Variants in SLC10A5 observed in about 807,000 individuals in gnomAD.
SLC10A5 encodes solute carrier family 10 member 5, also known as sodium/bile acid cotransporter 5.
For missense variants in SLC10A5, 475 were observed against 500.7 expected (o/e 0.95, Z 0.49); for synonymous variants, 181 against 183.7 (o/e 0.99, Z 0.12).
rs1484361886 is a variant in SLC10A5 at position 81,694,187 on chromosome 8, C to A, written c.786G>T (p.Gly262=). The part of the protein sequence containing the change: ...VNSYIYSRIL[G]LSGTFHIPVS... Reference sequence around the variant, plus strand: ...CAGGAATATGGAATGTACCTGACAACCCTAATATCCTACTGTATATATAAG... The same window carrying A: ...CAGGAATATGGAATGTACCTGACAAACCTAATATCCTACTGTATATATAAG... Residue 262 remains glycine (G), a synonymous_variant, in exon 1 of 1, where the codon GGG becomes GGT. Transcript: ENST00000518568. The A allele has an allele frequency of 9.3e-6, 15 of 1,613,954 alleles. No homozygotes were observed. The highest frequency in any genetic ancestry group is 4.2e-6 in the Non-Finnish European group (5 of 1,180,018).
At position 81,694,933 on chromosome 8, in the gene SLC10A5, C is replaced by A. The variant is rs747119566; in HGVS notation, c.40G>T (p.Val14Leu). The A allele has an allele frequency of 6.3e-7, 1 of 1,583,566 alleles. No individual in the cohort carries two copies. Among genetic ancestry groups the A allele is most frequent in the Non-Finnish European group, 8.5e-7 (1 of 1,171,542 alleles). ...KLFIVLLLLL[V>L]TIEEARMSSL... The stretch of plus-strand genomic sequence containing the variant: ...GACATCCTTGCTTCTTCTATAGTCA[C>A]AAGCAACAAAAGTAGAACAATAAAA... The change falls in exon 1 of 1, where the codon GTG becomes TTG. Residue 14 changes from valine (V) to leucine (L), a missense_variant. Val to Leu is a conservative substitution (Grantham distance 32, BLOSUM62 1). Transcript: ENST00000518568.
rs1378184478 is a variant in SLC10A5 at position 81,694,162 on chromosome 8, C to T, written c.811G>A (p.Val271Ile). The T allele has an allele frequency of 2.5e-6, 4 of 1,614,020 alleles. No individual in the cohort carries two copies. Among genetic ancestry groups the T allele is most frequent in the African/African-American group, 1.3e-5 (1 of 74,998 alleles). ...LGLSGTFHIP[V>I]SKIVSTLLFI... is the part of the protein sequence containing the mutation. ...AGGAGTGTTGACACAATTTTAGAAA[C>T]AGGAATATGGAATGTACCTGACAAC... The change falls in exon 1 of 1, where the codon GTT becomes ATT. Residue 271 changes from valine to isoleucine, a missense_variant. Coordinates refer to ENST00000518568, the MANE Select transcript of SLC10A5 (RefSeq NM_001010893.3).
rs1807691995 is a variant in SLC10A5, at chr8:81,694,310, GC to G, written c.662del (p.Gly221AlafsTer8). 6.2e-7 allele frequency: 1 copy of G among 1,614,030 alleles called. No individual in the cohort carries two copies. The highest frequency in any genetic ancestry group is 1.3e-5 in the African/African-American group (1 of 75,002). ...MTCTCPGGGGGYLFALLLDGD... is the reference protein window; with the variant it reads ...MTCTCPGGGGXYLFALLLDGD... ...CATCTAGAAGCAGAGCAAAGAGATA[GC>G]CCCCACCCCCTCCTGGGCACGTGCA... On this transcript the variant is annotated frameshift_variant, in exon 1 of 1. Coordinates refer to ENST00000518568, the MANE Select transcript of SLC10A5 (RefSeq NM_001010893.3). LOFTEE classifies it low-confidence loss of function (END_TRUNC).
Position 81,694,270 on chromosome 8 carries a change from C to A in SLC10A5, c.703G>T (p.Ala235Ser). 6.2e-7 allele frequency: 1 copy of A among 1,614,084 alleles called. No individual in the cohort carries two copies. Among genetic ancestry groups the A allele is most frequent in the Non-Finnish European group, 8.5e-7 (1 of 1,180,028 alleles). Residue 235 changes from alanine to serine, a missense_variant, in exon 1 of 1, where the codon GCC becomes TCC. Transcript: ENST00000518568. ...GTTGATGTGCAAGTCATCAAAATGG[C>A]CAATGTGAAATCTCCATCTAGAAGC... is the stretch of plus-strand genomic sequence containing the variant. The part of the protein sequence containing the change: ...ALLLDGDFTL[A>S]ILMTCTSTLL...
chr8:81,693,702 C>T lies in SLC10A5; in HGVS notation c.1271G>A (p.Cys424Tyr), dbSNP rs376116035. The T allele has an allele frequency of 1.9e-4, 297 of 1,594,918 alleles. No homozygotes were observed. Among genetic ancestry groups the T allele is most frequent in the Non-Finnish European group, 2.4e-4 (283 of 1,174,772 alleles). The change falls in exon 1 of 1, where the codon TGT becomes TAT. Residue 424 changes from cysteine (C) to tyrosine (Y), a missense_variant. Transcript: ENST00000518568. ...IILVYKAKKR[C>Y]IFFLQDKRKR... Reference sequence around the variant, plus strand: ...CCTTTTATCTTGTAAGAAAAAGATACATCTTTTCTTAGCCTTGTAAACTAG... The same window carrying T: ...CCTTTTATCTTGTAAGAAAAAGATATATCTTTTCTTAGCCTTGTAAACTAG...
At position 81,694,962 on chromosome 8, in the gene SLC10A5, T is replaced by G. The variant is rs772887499; in HGVS notation, c.11A>C (p.Lys4Thr). 1.3e-6 allele frequency: 2 copies of G among 1,548,916 alleles called. No homozygotes were observed. Among genetic ancestry groups the G allele is most frequent in the African/African-American group, 1.4e-5 (1 of 72,020 alleles). Reference protein sequence around the residue: MIRKLFIVLLLLLV... With the variant: MIRTLFIVLLLLLV... Reference sequence around the variant, plus strand: ...CAACAAAAGTAGAACAATAAAAAGTTTTCTAATCATTTTGAAAGCTGAAAT... The same window carrying G: ...CAACAAAAGTAGAACAATAAAAAGTGTTCTAATCATTTTGAAAGCTGAAAT... Residue 4 changes from lysine to threonine, a missense_variant, in exon 1 of 1, where the codon AAA becomes ACA. Transcript: ENST00000518568.
chr8:81,694,904 C>T lies in SLC10A5; in HGVS notation c.69G>A (p.Ser23=), dbSNP rs761549084. 12 of 1,604,462 alleles carry T rather than the reference C, an allele frequency of 7.5e-6. No homozygotes were observed. The highest frequency in any genetic ancestry group is 3.7e-4 in the Middle Eastern group (2 of 5,380). Residue 23 remains serine, a synonymous_variant, in exon 1 of 1, where the codon TCG becomes TCA. Coordinates refer to ENST00000518568, the MANE Select transcript of SLC10A5 (RefSeq NM_001010893.3). ...LVTIEEARMS[S]LSFLNIEKTE... is the part of the protein sequence containing the mutation. The stretch of plus-strand genomic sequence containing the variant: ...TCTTCTCTATATTCAGAAAACTGAG[C>T]GATGACATCCTTGCTTCTTCTATAG...
At position 81,694,255 on chromosome 8, in the gene SLC10A5, A is replaced by C. The variant is rs776156701; in HGVS notation, c.718T>G (p.Cys240Gly). Residue 240 changes from cysteine to glycine, a missense_variant, in exon 1 of 1, where the codon TGC becomes GGC. Physicochemically the swap from Cys to Gly is radical, Grantham distance 159. Coordinates refer to ENST00000518568, the MANE Select transcript of SLC10A5 (RefSeq NM_001010893.3). ...ATCAGAGCCAATAATGTTGATGTGC[A>C]AGTCATCAAAATGGCCAATGTGAAA... ...GDFTLAILMT[C>G]TSTLLALIMM... The C allele has an allele frequency of 1.7e-5, 27 of 1,614,156 alleles. No homozygotes were observed. The highest frequency in any genetic ancestry group is 5.0e-5 in the Admixed American group (3 of 60,022).
Position 81,693,917 on chromosome 8 carries a change from G to A in SLC10A5, c.1056C>T (p.Tyr352=). Residue 352 remains tyrosine (Y), a synonymous_variant, in exon 1 of 1, where the codon TAC becomes TAT. Coordinates refer to ENST00000518568, the MANE Select transcript of SLC10A5 (RefSeq NM_001010893.3). ...GCAGCGTACAAACTTTAGCAAAGGAGTACCCAAACAGCAAACCCAAAGCAG... is the reference window on the plus strand; with the variant it reads ...GCAGCGTACAAACTTTAGCAAAGGAATACCCAAACAGCAAACCCAAAGCAG... ...LVPALGLLFG[Y]SFAKVCTLPL... The A allele has an allele frequency of 6.2e-7, 1 of 1,614,070 alleles. No homozygotes were observed. Among genetic ancestry groups the A allele is most frequent in the Non-Finnish European group, 8.5e-7 (1 of 1,180,024 alleles).
At position 81,694,515 on chromosome 8, in the gene SLC10A5, A is replaced by T. The variant is rs750489195; in HGVS notation, c.458T>A (p.Leu153Ter). ...ILMLILPLIL[L>*]NKCAFGCKIE... is the part of the protein sequence containing the mutation. Reference sequence around the variant, plus strand: ...CTTACAACCAAATGCACACTTATTCAATAGTATTAGTGGTAAAATAAGCAT... The same window carrying T: ...CTTACAACCAAATGCACACTTATTCTATAGTATTAGTGGTAAAATAAGCAT... The change falls in exon 1 of 1, where the codon TTG becomes TAG. Residue 153 changes from leucine (L) to a stop codon, truncating the protein, a stop_gained. Transcript: ENST00000518568. LOFTEE classifies it low-confidence loss of function (END_TRUNC). The T allele has an allele frequency of 1.9e-6, 3 of 1,614,172 alleles. No individual in the cohort carries two copies. In the South Asian group the frequency reaches 3.3e-5, roughly 18 times the overall value.
rs768831338 is a variant in SLC10A5, at chr8:81,693,873, GTT to G, written c.1098_1099del (p.Lys366AsnfsTer5). The G allele has an allele frequency of 6.2e-7, 1 of 1,613,828 alleles. No homozygotes were observed. The highest frequency in any genetic ancestry group is 1.1e-5 in the South Asian group (1 of 90,946). ...TAACATCCCACTTTCAATAGCAACA[GTT>G]TTACAAACAGGAAGAGGCAGCGTAC... On this transcript the variant is annotated frameshift_variant, in exon 1 of 1. Coordinates refer to ENST00000518568, the MANE Select transcript of SLC10A5 (RefSeq NM_001010893.3). LOFTEE classifies it low-confidence loss of function (END_TRUNC).
chr8:81,694,070 G>C lies in SLC10A5; in HGVS notation c.903C>G (p.Phe301Leu), dbSNP rs150881524. 6.1e-5 allele frequency: 99 copies of C among 1,614,026 alleles called. No individual in the cohort carries two copies. The African/African-American group carries it at 1.1e-3, about 17-fold the overall frequency. Reference sequence around the variant, plus strand: ...TCAGAGGTCTAATTATTCTCTCTAAGAAGCTTGCTTTTTCAGGTATTCTAT... The same window carrying C: ...TCAGAGGTCTAATTATTCTCTCTAACAAGCTTGCTTTTTCAGGTATTCTAT... ...IKHRIPEKAS[F>L]LERIIRPLSF... The change falls in exon 1 of 1, where the codon TTC (phenylalanine) becomes TTG (leucine). Residue 301 changes from phenylalanine to leucine, a missense_variant. Physicochemically the swap from Phe to Leu is conservative, Grantham distance 22. Transcript: ENST00000518568.
rs1447173178 is a variant in SLC10A5, at chr8:81,694,957, A to G, written c.16T>C (p.Phe6Leu). MIRKL[F>L]IVLLLLLVTI... The stretch of plus-strand genomic sequence containing the variant: ...ACAAGCAACAAAAGTAGAACAATAA[A>G]AAGTTTTCTAATCATTTTGAAAGCT... Residue 6 changes from phenylalanine to leucine, a missense_variant, in exon 1 of 1, where the codon TTT becomes CTT. Coordinates refer to ENST00000518568, the MANE Select transcript of SLC10A5 (RefSeq NM_001010893.3). The G allele has an allele frequency of 1.9e-6, 3 of 1,553,938 alleles. No individual in the cohort carries two copies. The highest frequency in any genetic ancestry group is 2.2e-5 in the Admixed American group (1 of 44,916).
Position 81,694,883 on chromosome 8 carries a change from C to T in SLC10A5, c.90G>A (p.Glu30=). Reference sequence around the variant, plus strand: ...TTGTGAAAAATAGTATTTCAGTCTTCTCTATATTCAGAAAACTGAGCGATG... The same window carrying T: ...TTGTGAAAAATAGTATTTCAGTCTTTTCTATATTCAGAAAACTGAGCGATG... ...RMSSLSFLNI[E]KTEILFFTKT... The change falls in exon 1 of 1, where the codon GAG becomes GAA. Residue 30 remains glutamate, a synonymous_variant. Coordinates refer to ENST00000518568, the MANE Select transcript of SLC10A5 (RefSeq NM_001010893.3). The T allele has an allele frequency of 6.2e-7, 1 of 1,611,860 alleles. No homozygotes were observed. The highest frequency in any genetic ancestry group is 1.3e-5 in the African/African-American group (1 of 74,920).
chr8:81,693,698 G>T lies in SLC10A5; in HGVS notation c.1275C>A (p.Ile425=), dbSNP rs746635854. Residue 425 remains isoleucine, a synonymous_variant, in exon 1 of 1, where the codon ATC becomes ATA. Transcript: ENST00000518568. ...ILVYKAKKRC[I]FFLQDKRKRN... ...TTTTCCTTTTATCTTGTAAGAAAAAGATACATCTTTTCTTAGCCTTGTAAA... is the reference window on the plus strand; with the variant it reads ...TTTTCCTTTTATCTTGTAAGAAAAATATACATCTTTTCTTAGCCTTGTAAA... 8.8e-6 allele frequency: 14 copies of T among 1,593,766 alleles called. No individual in the cohort carries two copies. The highest frequency in any genetic ancestry group is 2.3e-5 in the South Asian group (2 of 86,842).
Position 81,694,741 on chromosome 8 carries a change from T to G in SLC10A5, c.232A>C (p.Lys78Gln), listed in dbSNP as rs1434294326. ...KILQMVNVAK[K>Q]ISSDATNFTI... ...AAGTTTGTAGCATCTGATGAGATCT[T>G]CTTGGCCACATTCACCATTTGTAGT... is the stretch of plus-strand genomic sequence containing the variant. The change falls in exon 1 of 1, where the codon AAG (lysine) becomes CAG (glutamine). Residue 78 changes from lysine (K) to glutamine (Q), a missense_variant. Coordinates refer to ENST00000518568, the MANE Select transcript of SLC10A5 (RefSeq NM_001010893.3). 1 of 1,614,124 alleles carries G rather than the reference T, an allele frequency of 6.2e-7. No homozygotes were observed. The highest frequency in any genetic ancestry group is 1.3e-5 in the African/African-American group (1 of 75,058).
In SLC10A5 at chr8:81,694,089, A is replaced by T. The variant is rs201935997; in HGVS notation, c.884T>A (p.Ile295Lys). Residue 295 changes from isoleucine (I) to lysine (K), a missense_variant, in exon 1 of 1, where the codon ATA (isoleucine) becomes AAA (lysine). Physicochemically the swap from Ile to Lys is moderately radical, Grantham distance 102. Coordinates refer to ENST00000518568, the MANE Select transcript of SLC10A5 (RefSeq NM_001010893.3). ...CTCTAAGAAGCTTGCTTTTTCAGGT[A>T]TTCTATGCTTGATGACTATTCCAAT... is the stretch of plus-strand genomic sequence containing the variant. ...VSIGIVIKHR[I>K]PEKASFLERI... 6.2e-7 allele frequency: 1 copy of T among 1,614,138 alleles called. No homozygotes were observed. The highest frequency in any genetic ancestry group is 1.3e-5 in the African/African-American group (1 of 75,058).
chr8:81,694,250 T>C lies in SLC10A5; in HGVS notation c.723A>G (p.Thr241=), dbSNP rs760590926. 4 of 1,614,150 alleles carry C rather than the reference T, an allele frequency of 2.5e-6. No homozygotes were observed. The highest frequency in any genetic ancestry group is 1.1e-5 in the South Asian group (1 of 91,082). ...TCATGATCAGAGCCAATAATGTTGA[T>C]GTGCAAGTCATCAAAATGGCCAATG... ...DFTLAILMTC[T]STLLALIMMP... Residue 241 remains threonine, a synonymous_variant, in exon 1 of 1, where the codon ACA becomes ACG. Coordinates refer to ENST00000518568, the MANE Select transcript of SLC10A5 (RefSeq NM_001010893.3).
Position 81,694,693 on chromosome 8 carries a change from C to A in SLC10A5, c.280G>T (p.Glu94Ter). ...TNFTINLVTD[E>*]EGETNVTIQL... ...ATAGTCACATTTGTTTCTCCTTCTT[C>A]ATCAGTCACCAGATTTATGGTAAAG... is the stretch of plus-strand genomic sequence containing the variant. Residue 94 changes from glutamate to a stop codon, truncating the protein, a stop_gained, in exon 1 of 1, where the codon GAA becomes TAA. Transcript: ENST00000518568. LOFTEE classifies it low-confidence loss of function (END_TRUNC). 3.7e-6 allele frequency: 6 copies of A among 1,614,096 alleles called. No individual in the cohort carries two copies. The highest frequency in any genetic ancestry group is 5.1e-6 in the Non-Finnish European group (6 of 1,180,016).
Sources: allele counts gnomAD v4.1 joint callset, GRCh38; gene constraint gnomAD v4.1.1; transcripts MANE v1.5; gene names NCBI Gene and HGNC (gene_info 2026-07-23, HGNC 2026-07-21).